Variants in TNIK observed in about 807,000 individuals in gnomAD.
TNIK encodes TRAF2 and NCK-interacting protein kinase.
TNIK carries 49 observed loss-of-function variants against 191.3 expected under a neutral mutation model. The ratio of observed to expected loss-of-function variants is 0.26; its 90% CI spans 0.20 to 0.32. The LOEUF is 0.32. Ranked by LOEUF, TNIK falls within the 10% of genes least tolerant of loss-of-function variation. The pLI is 1.00. For synonymous variants in TNIK, 594 were observed against 600.9 expected (o/e 0.99, Z 0.17); for missense variants, 1,155 against 1,702.3 (o/e 0.68, Z 5.66).
chr3:171,318,242 T>C (rs1285076889), intron 2 of TNIK, among the ~76,000 whole-genome samples: 1 of 152,138 alleles, frequency 6.6e-6, no homozygotes. Flanking sequence ...ATCAGACAGT[T>C]GCATAATTAT....
intron 1 of TNIK, among the ~76,000 whole-genome samples, chr3:171,404,981 G>C (rs183718634): frequency 6.6e-6 from 1 of 152,246 alleles, no homozygotes; most frequent in Admixed American, 6.5e-5. Flanking sequence ...CAACTATAAT[G>C]GTCCTCAAAA....
At chr3:171,269,848 G>A (rs1388401524) in intron 2 of TNIK, among the ~76,000 whole-genome samples, 3 of 152,122 alleles carry the variant, frequency 2.0e-5, no homozygotes, top group African/African-American at 4.8e-5. Context: ...AACATTTTAG[G>A]GGAGGGACTA....
chr3:171,084,119 TA>T (rs770843141), intron 26 of TNIK, 35 bp downstream of exon 26: 1 of 1,487,462 alleles, frequency 6.7e-7, no homozygotes, highest in Non-Finnish European at 8.9e-7. Flanking sequence ...AATGAGTGGT[TA>T]TTTAAAAAAA....
At chr3:171,211,833 TGTG>T in intron 3 of TNIK, among the ~76,000 whole-genome samples, 1 of 152,182 alleles carries the variant, frequency 6.6e-6, no homozygotes, top group Non-Finnish European at 1.5e-5. Flanking sequence ...AAGGGGGAAA[TGTG>T]GTGGTACTGA....
chr3:171,297,985 T>C (rs1752493634), intron 2 of TNIK, among the ~76,000 whole-genome samples: 1 of 152,238 alleles, frequency 6.6e-6, no homozygotes, highest in African/African-American at 2.4e-5. Context: ...AAGAAAGGGA[T>C]TTAGTTCCTT....
intron 18 of TNIK, among the ~76,000 whole-genome samples, chr3:171,121,136 G>C (rs1727692904): frequency 6.6e-6 from 1 of 152,170 alleles, no homozygotes; most frequent in South Asian, 2.1e-4. Flanking sequence ...AAAAGACTAG[G>C]AGGAAAAACA....
intron 2 of TNIK, among the ~76,000 whole-genome samples, chr3:171,361,541 G>A (rs1283130813): frequency 6.6e-6 from 1 of 152,142 alleles, no homozygotes; most frequent in Admixed American, 6.5e-5. Context: ...GATCTATGAG[G>A]ATGAAAAATT....
At chr3:171,164,769 T>C (rs888530125) in intron 10 of TNIK, among the ~76,000 whole-genome samples, 1 of 152,250 alleles carries the variant, frequency 6.6e-6, no homozygotes, top group African/African-American at 2.4e-5. Context: ...AAGACCACCA[T>C]GGACAAGGAG....
chr3:171,459,592 T>C (rs1003130295), intron 1 of TNIK, among the ~76,000 whole-genome samples: 2 of 151,840 alleles, frequency 1.3e-5, no homozygotes, highest in Non-Finnish European at 2.9e-5. Context: ...GAGGGGCCAG[T>C]GCCTTTATTC....
intron 30 of TNIK, among the ~76,000 whole-genome samples, chr3:171,068,525 CTG>C (rs1248358534): frequency 1.3e-5 from 2 of 152,178 alleles, no homozygotes; most frequent in African/African-American, 2.4e-5. Context: ...CCTTCAAAAA[CTG>C]AATGTGGAAA....
chr3:171,410,173 A>G (rs1722196654), intron 1 of TNIK, among the ~76,000 whole-genome samples: 1 of 152,232 alleles, frequency 6.6e-6, no homozygotes, highest in South Asian at 2.1e-4. Flanking sequence ...CACAATTCTC[A>G]GTACTCAAAA....
chr3:171,269,771 G>T (rs998852042), intron 2 of TNIK, among the ~76,000 whole-genome samples: 5 of 152,178 alleles, frequency 3.3e-5, no homozygotes, highest in African/African-American at 1.2e-4. Flanking sequence ...TGTTTAGAGG[G>T]AAGGTGATAT....
At chr3:171,213,730 C>T (rs1248227938) in intron 3 of TNIK, among the ~76,000 whole-genome samples, 1 of 152,036 alleles carries the variant, frequency 6.6e-6, no homozygotes, top group Non-Finnish European at 1.5e-5. Flanking sequence ...TGCATTGAGT[C>T]TGGGATCAGA....
At chr3:171,388,606 T>C (rs1353691403) in intron 1 of TNIK, among the ~76,000 whole-genome samples, 1 of 152,200 alleles carries the variant, frequency 6.6e-6, no homozygotes, top group East Asian at 1.9e-4. Flanking sequence ...AGCACTCACA[T>C]AGGCATCCTT....
chr3:171,113,282 C>T (rs777200067), intron 18 of TNIK, among the ~76,000 whole-genome samples: 4 of 151,928 alleles, frequency 2.6e-5, no homozygotes, highest in Non-Finnish European at 5.9e-5. Flanking sequence ...CTATTACCGA[C>T]GGGTAGACGA....
intron 21 of TNIK, among the ~76,000 whole-genome samples, chr3:171,105,545 G>C (rs868363193): frequency 4.9e-5 from 7 of 143,970 alleles, no homozygotes; most frequent in Non-Finnish European, 7.4e-5. Context: ...ATAGTCACCT[G>C]GAGGGCTTTT....
intron 2 of TNIK, among the ~76,000 whole-genome samples, chr3:171,338,295 T>C (rs1170550003): frequency 6.6e-6 from 1 of 152,178 alleles, no homozygotes; most frequent in South Asian, 2.1e-4. Context: ...TGTGTGTATA[T>C]ATGAAATCCC....
intron 12 of TNIK, among the ~76,000 whole-genome samples, 159 bp from the exon 13 acceptor site, chr3:171,140,668 T>C (rs1200169867): frequency 6.6e-6 from 1 of 152,144 alleles, no homozygotes; most frequent in East Asian, 1.9e-4. Flanking sequence ...GAGGGTACAC[T>C]GGCAGGGAGC....
rs150453043 is a variant in TNIK at position 171,106,138 on chromosome 3, G to A, written c.2406+1045C>T. On this transcript the variant is annotated intron_variant, in intron 21 of 32. Coordinates refer to ENST00000436636, the MANE Select transcript of TNIK (RefSeq NM_015028.4). ...GCTCTTCGGTGAAGACCAGATACAT[G>A]GAAACATGCTTCTCCTACCTGCCAA... Among the ~76,000 whole-genome samples, 187 of 152,252 alleles carry A rather than the reference G, an allele frequency of 1.2e-3. 1 individual carries two copies. The highest frequency in any genetic ancestry group is 4.3e-3 in the African/African-American group (180 of 41,560).
Sources: allele counts gnomAD v4.1 joint callset (sites outside exome capture counted in the v4.1 genomes callset), GRCh38; gene constraint gnomAD v4.1.1; transcripts MANE v1.5; gene names NCBI Gene and HGNC (gene_info 2026-07-23, HGNC 2026-07-21).